The following CUBN variants were observed in gnomAD, a reference collection of about 807,000 sequenced individuals.
CUBN encodes 460 kDa receptor.
A neutral mutation model predicts 405.3 loss-of-function variants in CUBN; 282 were observed. That is an observed-to-expected ratio of 0.70 (90% confidence interval 0.63 to 0.77). The LOEUF (loss-of-function observed/expected upper bound fraction) is 0.77. Among genes scored for constraint, CUBN ranks in the 30% least tolerant of loss-of-function variants. CUBN has a pLI of 0.00. For missense variants in CUBN, 4,514 were observed against 4,475.2 expected, an observed-to-expected ratio of 1.01 and a Z score of -0.25; for synonymous variants, 1,684 against 1,617.0, an observed-to-expected ratio of 1.04 and a Z score of -0.99.
chr10:16,921,448 CCTT>C (rs1564425013), intron 43 of CUBN, among the ~76,000 whole-genome samples: 1 of 152,144 alleles, frequency 6.6e-6, no homozygotes. Flanking sequence ...CTGTCTCTCT[CCTT>C]CTCTCTTTTT....
chr10:16,966,455 T>C (rs1843395225), intron 31 of CUBN, among the ~76,000 whole-genome samples: 1 of 144,462 alleles, frequency 6.9e-6, no homozygotes, highest in Admixed American at 6.7e-5. Flanking sequence ...TTTACTACAT[T>C]TTTTTTTTTC....
chr10:16,928,405 A>T (rs543342957), intron 40 of CUBN, 102 bp from the exon 41 acceptor site: 42 of 1,262,170 alleles, frequency 3.3e-5, no homozygotes, highest in Middle Eastern at 3.8e-4. Flanking sequence ...TTCTCAGAAC[A>T]TCAGGACTCG....
intron 35 of CUBN, among the ~76,000 whole-genome samples, chr10:16,948,222 GAACACC>G (rs1369912065): frequency 6.6e-6 from 1 of 152,056 alleles, no homozygotes; most frequent in Non-Finnish European, 1.5e-5. Flanking sequence ...AACAACAAAA[GAACACC>G]AAGTCATCTG....
At chr10:16,963,993 T>G (rs1191041749) in intron 31 of CUBN, among the ~76,000 whole-genome samples, 1 of 152,182 alleles carries the variant, frequency 6.6e-6, no homozygotes, top group African/African-American at 2.4e-5. Flanking sequence ...TAGGAGCATG[T>G]GGGACTTCAC....
chr10:16,935,879 C>CAAAA (rs369098280), intron 39 of CUBN, among the ~76,000 whole-genome samples: 18 of 71,340 alleles, frequency 2.5e-4, no homozygotes, highest in South Asian at 6.1e-4. Flanking sequence ...GACTCCATCT[C>CAAAA]AAAAAAAAAA....
At chr10:17,105,598 G>A (rs369651343) in intron 10 of CUBN, 23 bp from the exon 11 acceptor site, 143 of 1,317,540 alleles carry the variant, frequency 1.1e-4, no homozygotes, top group Non-Finnish European at 1.5e-4. Context: ...AAAAACAAAC[G>A]TGTAAATACA....
At position 17,043,887 on chromosome 10, in the gene CUBN, T is replaced by C. The variant is rs762999874; in HGVS notation, c.3769A>G (p.Ile1257Val). 5 of 1,613,586 alleles carry C rather than the reference T, an allele frequency of 3.1e-6. No homozygotes were observed. Among genetic ancestry groups the C allele is most frequent in the South Asian group, 1.1e-5 (1 of 91,088 alleles). Residue 1257 changes from isoleucine (I) to valine (V), a missense_variant, in exon 26 of 67, where the codon ATA (isoleucine) becomes GTA (valine). Coordinates refer to ENST00000377833, the MANE Select transcript of CUBN (RefSeq NM_001081.4). ...LIRSSGDSMF[I>V]KLRTDEGQQG... ...TGACCTTCATCTGTCCTCAGTTTTA[T>C]AAACATGCTGTCTCCACTAGAACGA...
rs1839327190 is a variant in CUBN at position 16,840,899 on chromosome 10, T to C, written c.9812A>G (p.Tyr3271Cys). ...TLEREGFNATYTIMDMPCGGT... is the reference protein window; with the variant it reads ...TLEREGFNATCTIMDMPCGGT... ...TATTTACTCACTGTCCATGATGGTG[T>C]ATGTAGCATTAAATCCTTCCCTCTC... Residue 3271 changes from tyrosine to cysteine, a missense_variant, in exon 61 of 67, where the codon TAC becomes TGC. This residue lies in a region of CUBN where 1,186 missense variants were observed against 1,186.9 expected (regional missense o/e 1.00). Transcript: ENST00000377833. 1.9e-6 allele frequency: 3 copies of C among 1,611,588 alleles called. No homozygotes were observed. Among genetic ancestry groups the C allele is most frequent in the Middle Eastern group, 3.8e-4 (2 of 5,288 alleles).
intron 59 of CUBN, among the ~76,000 whole-genome samples, chr10:16,861,065 C>T (rs996701508): frequency 6.6e-6 from 1 of 152,102 alleles, no homozygotes; most frequent in Admixed American, 6.6e-5. Context: ...AAAGCATTAC[C>T]AATGTTCAGG....
intron 36 of CUBN, among the ~76,000 whole-genome samples, chr10:16,943,864 T>C (rs559860282): frequency 3.3e-4 from 51 of 152,314 alleles, no homozygotes; most frequent in African/African-American, 1.2e-3. Context: ...CAGTGCTAGA[T>C]GGCAGAAAAG....
intron 57 of CUBN, 69 bp downstream of exon 57, chr10:16,876,828 G>T (rs1840517762): frequency 8.2e-6 from 11 of 1,346,432 alleles, no homozygotes; most frequent in Admixed American, 1.7e-5. Context: ...ATGAATCGCA[G>T]TGAAAACTCT....
At chr10:17,123,431 C>T (rs781443431) in intron 5 of CUBN, 157 bp downstream of exon 5, 40 of 702,252 alleles carry the variant, frequency 5.7e-5, no homozygotes, top group Non-Finnish European at 9.9e-5. Flanking sequence ...ATACTCACCA[C>T]TGTTTGGGTT....
intron 28 of CUBN, among the ~76,000 whole-genome samples, chr10:17,019,501 C>T (rs1432441710): frequency 6.6e-6 from 1 of 152,170 alleles, no homozygotes; most frequent in Non-Finnish European, 1.5e-5. Context: ...GATACTCCCA[C>T]CCCAACTTGC....
intron 40 of CUBN, among the ~76,000 whole-genome samples, chr10:16,929,821 T>C (rs1203128901): frequency 6.6e-6 from 1 of 152,224 alleles, no homozygotes; most frequent in Non-Finnish European, 1.5e-5. Context: ...GTTTATTATA[T>C]GTTATTAGTT....
intron 46 of CUBN, 43 bp downstream of exon 46, chr10:16,915,778 G>A: frequency 1.3e-6 from 2 of 1,517,716 alleles, no homozygotes; most frequent in Non-Finnish European, 1.8e-6. Context: ...ATAAGTACAT[G>A]TGAAAATAAA....
intron 44 of CUBN, among the ~76,000 whole-genome samples, chr10:16,919,497 C>T (rs1272152233): frequency 1.3e-5 from 2 of 152,194 alleles, no homozygotes; most frequent in African/African-American, 4.8e-5. Context: ...CCTTTCAGAA[C>T]TCTTATTAAA....
intron 59 of CUBN, among the ~76,000 whole-genome samples, chr10:16,858,348 G>C (rs1839921488): frequency 6.6e-6 from 1 of 151,976 alleles, no homozygotes; most frequent in Non-Finnish European, 1.5e-5. Flanking sequence ...TAGGATAGAG[G>C]CTTGCTCTGT....
intron 33 of CUBN, among the ~76,000 whole-genome samples, chr10:16,950,399 T>C (rs189316244): frequency 4.6e-5 from 7 of 152,294 alleles, no homozygotes; most frequent in African/African-American, 1.7e-4. Context: ...CATGCCTGTA[T>C]CAAAACATCT....
intron 27 of CUBN, among the ~76,000 whole-genome samples, chr10:17,038,739 C>T (rs545733560): frequency 4.6e-5 from 7 of 152,160 alleles, no homozygotes; most frequent in African/African-American, 1.2e-4. Flanking sequence ...CATCATAGAC[C>T]AGCTATTGCA....
Sources: gnomAD v4.1 joint callset for allele counts (sites outside exome capture counted in the v4.1 genomes callset) on GRCh38, gnomAD v4.1.1 for gene constraint, gnomAD v4.1.1 regional missense constraint, MANE v1.5 for transcripts, NCBI Gene and HGNC (gene_info 2026-07-23, HGNC 2026-07-21) for gene names.